Variants in TENM4 observed in about 807,000 individuals in gnomAD.
TENM4 encodes the protein teneurin-4.
Under a neutral mutation model 243.3 loss-of-function variants are expected in TENM4, and 82 were observed. The observed-to-expected ratio is 0.34, with a 90% CI of 0.28 to 0.40. The LOEUF (loss-of-function observed/expected upper bound fraction) is 0.40, where lower values mean the gene tolerates loss of function less well. Among genes scored for constraint, TENM4 ranks in the 10% least tolerant of loss-of-function variants. The probability of loss-of-function intolerance (pLI) is 1.00; values close to 1 mark genes in which losing one functional copy is unlikely to be tolerated. For synonymous variants in TENM4, 1,412 were observed against 1,456.3 expected (o/e 0.97, Z 0.69); for missense variants, 3,138 against 3,673.3 (o/e 0.85, Z 3.77).
chr11:78,782,753 G>A (rs901921460), intron 16 of TENM4, among the ~76,000 whole-genome samples: 4 of 144,666 alleles, frequency 2.8e-5, no homozygotes, highest in Non-Finnish European at 4.6e-5. Flanking sequence ...GCAACAGAGT[G>A]AGACTCTGTC....
intron 6 of TENM4, among the ~76,000 whole-genome samples, chr11:79,027,283 C>T (rs1455479022): frequency 1.3e-5 from 2 of 152,194 alleles, no homozygotes; most frequent in Non-Finnish European, 1.5e-5. Flanking sequence ...AAGATTCACG[C>T]AGTCACCAAG....
intron 2 of TENM4, among the ~76,000 whole-genome samples, chr11:79,295,652 G>A (rs1037414804): frequency 6.6e-6 from 1 of 152,154 alleles, no homozygotes; most frequent in Non-Finnish European, 1.5e-5. Flanking sequence ...AGTGGGGGCT[G>A]CAGAGGGCAG....
chr11:79,119,778 C>T (rs1861703473), intron 4 of TENM4, among the ~76,000 whole-genome samples: 1 of 152,208 alleles, frequency 6.6e-6, no homozygotes. Flanking sequence ...CCCCTCTACT[C>T]TCTCCCATCT....
rs1349377615 is a variant in TENM4 at position 79,416,269 on chromosome 11, G to T, written c.-321+24240C>A. Among the ~76,000 whole-genome samples, 19 of 152,254 alleles carry T rather than the reference G, an allele frequency of 1.2e-4. No individual in the cohort carries two copies. The East Asian group carries it at 3.3e-3, about 26-fold the overall frequency. The stretch of plus-strand genomic sequence containing the variant: ...GGGGTAAATACCTAGGAGTGGAATG[G>T]CTGGGTCACAAGGTAGGTATGTATT... On this transcript the variant is annotated intron_variant, in intron 1 of 33. Transcript: ENST00000278550.
chr11:79,397,125 G>A (rs1435059857), intron 1 of TENM4, among the ~76,000 whole-genome samples: 2 of 152,142 alleles, frequency 1.3e-5, no homozygotes, highest in African/African-American at 4.8e-5. Context: ...ACACTCAAAG[G>A]GATGAGATTC....
intron 6 of TENM4, among the ~76,000 whole-genome samples, chr11:79,040,973 T>A (rs993348261): frequency 5.3e-5 from 8 of 151,970 alleles, no homozygotes; most frequent in African/African-American, 1.9e-4. Flanking sequence ...AGACCAAGGG[T>A]TAAGAAATGA....
intron 32 of TENM4, 53 bp downstream of exon 32, chr11:78,668,884 G>C: frequency 6.5e-7 from 1 of 1,546,858 alleles, no homozygotes; most frequent in Non-Finnish European, 8.7e-7. Flanking sequence ...AGTATTGTTA[G>C]GTAGTAAGAG....
intron 6 of TENM4, among the ~76,000 whole-genome samples, chr11:78,971,293 TTTTG>T (rs564084356): frequency 9.9e-5 from 15 of 152,150 alleles, no homozygotes; most frequent in East Asian, 1.9e-4. Context: ...TAAATAAGAT[TTTTG>T]TTTGTTTGTT....
At chr11:79,079,334 A>G (rs1411759477) in intron 4 of TENM4, among the ~76,000 whole-genome samples, 6 of 152,146 alleles carry the variant, frequency 3.9e-5, no homozygotes, top group African/African-American at 1.2e-4. Context: ...TGAGCTGCGG[A>G]GCTGGGAGGG....
chr11:78,835,414 G>A (rs1240130889), intron 12 of TENM4, among the ~76,000 whole-genome samples: 1 of 152,170 alleles, frequency 6.6e-6, no homozygotes, highest in African/African-American at 2.4e-5. Flanking sequence ...GCTGAGGCAG[G>A]AGAATCACTT....
At position 79,399,669 on chromosome 11, in the gene TENM4, C is replaced by G. The variant is rs1858416355; in HGVS notation, c.-321+40840G>C. 3.3e-5 allele frequency among the ~76,000 whole-genome samples: 5 copies of G among 151,940 alleles called. No homozygotes were observed. The South Asian group carries it at 8.3e-4, about 25-fold the overall frequency. On this transcript the variant is annotated intron_variant, in intron 1 of 33. Transcript: ENST00000278550. ...TGATGGATCTTAGTTCTGGTGGAAA[C>G]ACATACATTCACATCAAAAAAAAAG... is the stretch of plus-strand genomic sequence containing the variant.
At chr11:79,390,389 C>T (rs555838844) in intron 1 of TENM4, among the ~76,000 whole-genome samples, 2 of 152,356 alleles carry the variant, frequency 1.3e-5, no homozygotes, top group South Asian at 4.1e-4. Flanking sequence ...TTGCTCTCTA[C>T]AGTACTTGGA....
chr11:79,129,150 G>A (rs1861944150), intron 4 of TENM4, among the ~76,000 whole-genome samples: 1 of 152,178 alleles, frequency 6.6e-6, no homozygotes, highest in African/African-American at 2.4e-5. Flanking sequence ...ACCTTACCTG[G>A]AACTAAGCCA....
chr11:79,398,334 C>G (rs185312280), intron 1 of TENM4, among the ~76,000 whole-genome samples: 175 of 152,232 alleles, frequency 1.1e-3, no homozygotes, highest in African/African-American at 4.1e-3. Context: ...TCACCTGGCT[C>G]AGTGGTCAGG....
chr11:79,361,110 T>C (rs1394254209), intron 1 of TENM4, among the ~76,000 whole-genome samples: 1 of 152,182 alleles, frequency 6.6e-6, no homozygotes, highest in Non-Finnish European at 1.5e-5. Flanking sequence ...AGGATTATGC[T>C]AGACTTTTGG....
chr11:78,864,396 T>C (rs1466527527), intron 9 of TENM4, among the ~76,000 whole-genome samples: 2 of 113,798 alleles, frequency 1.8e-5, no homozygotes, highest in East Asian at 2.5e-4. Context: ...ATCCCGCCAC[T>C]GCACTCCAGC....
intron 4 of TENM4, among the ~76,000 whole-genome samples, chr11:79,099,680 T>G (rs1353667534): frequency 2.6e-5 from 4 of 152,164 alleles, no homozygotes; most frequent in Non-Finnish European, 2.9e-5. Context: ...ACCCTATACA[T>G]CTGTATGCTC....
At chr11:78,754,864 T>A (rs1856270722) in intron 19 of TENM4, among the ~76,000 whole-genome samples, 1 of 152,212 alleles carries the variant, frequency 6.6e-6, no homozygotes, top group African/African-American at 2.4e-5. Flanking sequence ...TAGCTTCACC[T>A]CTAGAAAGGT....
At chr11:79,129,295 T>G (rs1591303074) in intron 4 of TENM4, among the ~76,000 whole-genome samples, 1 of 146,686 alleles carries the variant, frequency 6.8e-6, no homozygotes, top group East Asian at 2.1e-4. Flanking sequence ...GGTGGCGGGG[T>G]GGGTTGGGGG....
Sources: allele counts gnomAD v4.1 joint callset (sites outside exome capture counted in the v4.1 genomes callset), GRCh38; gene constraint gnomAD v4.1.1; transcripts MANE v1.5; gene names NCBI Gene and HGNC (gene_info 2026-07-23, HGNC 2026-07-21).